Variants in IL15 observed in about 807,000 individuals in gnomAD.
IL15 encodes interleukin-15.
In IL15, 11 loss-of-function variants were observed where a neutral mutation model predicts 19.6. The ratio of observed to expected loss-of-function variants is 0.56; its 90% CI spans 0.35 to 0.93. IL15 has a LOEUF of 0.93. Among genes scored for constraint, IL15 ranks in the 40% least tolerant of loss-of-function variants. The pLI is 0.01. For synonymous variants in IL15, 58 were observed against 59.6 expected (o/e 0.97, Z 0.12); for missense variants, 197 against 186.5 (o/e 1.06, Z -0.33).
intron 2 of IL15, among the ~76,000 whole-genome samples, chr4:141,673,095 C>A (rs1165221287): frequency 6.6e-6 from 1 of 152,218 alleles, no homozygotes; most frequent in Non-Finnish European, 1.5e-5. Context: ...TATACCTTCA[C>A]TTCTTAGCAC....
At position 141,732,769 on chromosome 4, in the gene IL15, A is replaced by C; in HGVS notation, c.410A>C (p.Glu137Ala). ...ACAGAATCTGGATGCAAAGAATGTG[A>C]GGAACTGGAGGAAAAAAATATTAAA... ...NVTESGCKEC[E>A]ELEEKNIKEF... The change falls in exon 8 of 8, where the codon GAG (glutamate) becomes GCG (alanine). Residue 137 changes from glutamate to alanine, a missense_variant. Physicochemically the swap from Glu to Ala is moderately radical, Grantham distance 107. Coordinates refer to ENST00000320650, the MANE Select transcript of IL15 (RefSeq NM_000585.5). 2 of 1,612,684 alleles carry C rather than the reference A, an allele frequency of 1.2e-6. No individual in the cohort carries two copies. Among genetic ancestry groups the C allele is most frequent in the Non-Finnish European group, 1.7e-6 (2 of 1,179,514 alleles).
At chr4:141,729,250 C>T (rs1259536978) in intron 6 of IL15, among the ~76,000 whole-genome samples, 1 of 152,098 alleles carries the variant, frequency 6.6e-6, no homozygotes, top group Non-Finnish European at 1.5e-5. Context: ...CCTAGATATT[C>T]CTTGTTTCCT....
At chr4:141,671,320 C>A (rs920879943) in intron 2 of IL15, among the ~76,000 whole-genome samples, 2 of 152,064 alleles carry the variant, frequency 1.3e-5, no homozygotes, top group African/African-American at 2.4e-5. Flanking sequence ...GTGAAAAGTA[C>A]TACAAAAATG....
At position 141,659,590 on chromosome 4, in the gene IL15, T is replaced by A. The variant is rs190455344; in HGVS notation, c.-100+3283T>A. 1.3e-3 allele frequency among the ~76,000 whole-genome samples: 204 copies of A among 152,338 alleles called. 2 individuals are homozygous for A. Among genetic ancestry groups the A allele is most frequent in the Middle Eastern group, 6.8e-3 (2 of 294 alleles). On this transcript the variant is annotated intron_variant, in intron 2 of 7. Transcript: ENST00000320650. ...GGAAATTTTGAGTATTGAGTGATAA[T>A]ATTTGAGACATTTTTAGTAATAGCA... is the stretch of plus-strand genomic sequence containing the variant.
At chr4:141,639,570 C>G (rs938594971) in intron 1 of IL15, among the ~76,000 whole-genome samples, 5 of 152,152 alleles carry the variant, frequency 3.3e-5, no homozygotes, top group Non-Finnish European at 7.4e-5. Context: ...CTATGTATCC[C>G]TTCTTCCATA....
intron 2 of IL15, among the ~76,000 whole-genome samples, chr4:141,713,835 GTTT>G (rs1729786587): frequency 2.6e-5 from 4 of 152,088 alleles, no homozygotes; most frequent in African/African-American, 9.7e-5. Flanking sequence ...CTTACATATA[GTTT>G]GAAATCCCTT....
chr4:141,682,079 C>T (rs892204228), intron 2 of IL15, among the ~76,000 whole-genome samples: 1 of 152,210 alleles, frequency 6.6e-6, no homozygotes, highest in African/African-American at 2.4e-5. Context: ...GTATACTCTA[C>T]TGTAGAGATC....
chr4:141,660,846 T>A (rs1727762460), intron 2 of IL15, among the ~76,000 whole-genome samples: 7 of 152,170 alleles, frequency 4.6e-5, no homozygotes, highest in Admixed American at 4.6e-4. Context: ...GGAAGGGAAC[T>A]AAGATGTCTA....
chr4:141,684,056 G>A (rs975147026), intron 2 of IL15, among the ~76,000 whole-genome samples: 6 of 152,190 alleles, frequency 3.9e-5, no homozygotes, highest in Non-Finnish European at 2.9e-5. Context: ...CAATGCAGGT[G>A]AAAGACCCTG....
intron 2 of IL15, among the ~76,000 whole-genome samples, chr4:141,686,409 T>A (rs993997711): frequency 3.9e-5 from 6 of 152,180 alleles, no homozygotes; most frequent in Non-Finnish European, 8.8e-5. Context: ...ATCAAAATAA[T>A]AAATTTCCTA....
intron 2 of IL15, among the ~76,000 whole-genome samples, chr4:141,661,986 G>C (rs1048494433): frequency 2.0e-5 from 3 of 152,004 alleles, no homozygotes; most frequent in African/African-American, 7.3e-5. Context: ...AAAATGTATT[G>C]CTTAATTTTC....
At chr4:141,663,705 A>G (rs756994893) in intron 2 of IL15, among the ~76,000 whole-genome samples, 6 of 152,138 alleles carry the variant, frequency 3.9e-5, no homozygotes, top group Non-Finnish European at 5.9e-5. Context: ...TTTTTGGCCA[A>G]CTGTTACATG....
chr4:141,666,307 C>G (rs976172711), intron 2 of IL15, among the ~76,000 whole-genome samples: 6 of 151,746 alleles, frequency 4.0e-5, no homozygotes, highest in African/African-American at 1.5e-4. Flanking sequence ...TTTGGAAAGC[C>G]GAGGCGGTCG....
At chr4:141,730,082 A>G in intron 7 of IL15, 98 bp downstream of exon 7, 1 of 912,714 alleles carries the variant, frequency 1.1e-6, no homozygotes, top group Non-Finnish European at 1.8e-6. Context: ...AGGGGCAATC[A>G]GGAGAAGGAG....
chr4:141,682,726 G>A (rs1728573068), intron 2 of IL15, among the ~76,000 whole-genome samples: 1 of 152,138 alleles, frequency 6.6e-6, no homozygotes, highest in Non-Finnish European at 1.5e-5. Flanking sequence ...GGAGGCCGAG[G>A]CGGGTGGTTC....
chr4:141,668,470 C>T (rs1728064124), intron 2 of IL15, among the ~76,000 whole-genome samples: 2 of 152,214 alleles, frequency 1.3e-5, no homozygotes, highest in South Asian at 4.1e-4. Context: ...TTCTCTCTGC[C>T]TACCTAGTTT....
intron 2 of IL15, among the ~76,000 whole-genome samples, chr4:141,695,609 G>A (rs1729066088): frequency 1.3e-5 from 2 of 151,972 alleles, no homozygotes; most frequent in African/African-American, 4.8e-5. Context: ...TTGGATTGCT[G>A]GATCCTATGG....
intron 2 of IL15, among the ~76,000 whole-genome samples, chr4:141,702,531 A>G (rs189204674): frequency 6.6e-6 from 1 of 152,334 alleles, no homozygotes; most frequent in East Asian, 1.9e-4. Context: ...AATGCTGGTT[A>G]TACTAATAGT....
intron 2 of IL15, among the ~76,000 whole-genome samples, chr4:141,672,203 A>T (rs886514538): frequency 2.0e-5 from 3 of 152,162 alleles, no homozygotes; most frequent in African/African-American, 7.2e-5. Flanking sequence ...GAAAAAATCT[A>T]GTAGTTTGAA....
Sources: allele counts gnomAD v4.1 joint callset (sites outside exome capture counted in the v4.1 genomes callset), GRCh38; gene constraint gnomAD v4.1.1; transcripts MANE v1.5; gene names NCBI Gene and HGNC (gene_info 2026-07-23, HGNC 2026-07-21).